HUWE1: variants seen among roughly 807,000 people sequenced by gnomAD.
HUWE1 encodes E3 ubiquitin-protein ligase HUWE1.
A neutral mutation model predicts 299.4 loss-of-function variants in HUWE1; 18 were observed. That is an observed-to-expected ratio of 0.06 (90% CI 0.04 to 0.09). The LOEUF (loss-of-function observed/expected upper bound fraction) is 0.09. Among genes scored for constraint, HUWE1 ranks in the 10% least tolerant of loss-of-function variants. The pLI, the probability that HUWE1 is intolerant of heterozygous loss-of-function variation, is 1.00. For missense variants in HUWE1, 1,832 were observed against 3,462.3 expected, an observed-to-expected ratio of 0.53 and a Z score of 11.82; for synonymous variants, 1,317 against 1,286.1, an observed-to-expected ratio of 1.02 and a Z score of -0.51.
At chrX:53,625,028 G>T in intron 18 of HUWE1, 129 bp downstream of exon 18, 1 of 508,585 alleles carries the variant, frequency 2.0e-6, no homozygotes, top group Non-Finnish European at 3.5e-6. Flanking sequence ...ACAACTAAAA[G>T]CTATTGAAAA....
In HUWE1 at chrX:53,617,010, G is replaced by A. The variant is rs2065844216; in HGVS notation, c.1917C>T (p.Tyr639=). Residue 639 remains tyrosine (Y), a synonymous_variant, in exon 21 of 84, where the codon TAC becomes TAT. Transcript: ENST00000262854. ...RLFKVLLSPD[Y]LPAMRRRRSS... ...TTCTCCTCCTCCGCATGGCTGGGAG[G>A]TAATCTGGAGACAGAAGAACTTTGA... is the stretch of plus-strand genomic sequence containing the variant. 3.3e-6 allele frequency: 4 copies of A among 1,209,170 alleles called. No individual in the cohort carries two copies. The African/African-American group carries it at 5.3e-5, about 16-fold the overall frequency.
intron 49 of HUWE1, among the ~76,000 whole-genome samples, chrX:53,568,397 ACTT>A (rs1282067499): frequency 2.7e-5 from 3 of 111,703 alleles, no homozygotes; most frequent in Non-Finnish European, 5.7e-5. Flanking sequence ...TACAGTGTCT[ACTT>A]CTTATTTTTA....
intron 4 of HUWE1, among the ~76,000 whole-genome samples, chrX:53,650,634 T>TAC (rs1161882511): frequency 6.2e-5 from 7 of 112,350 alleles, no homozygotes; most frequent in African/African-American, 2.3e-4. Flanking sequence ...TGCCAGGGTT[T>TAC]ACAGTGATTT....
In HUWE1 at chrX:53,661,121, G is replaced by A. The variant is rs1020332812; in HGVS notation, c.-24-6990C>T. ...GCAATCTCGGCTCACTGCAAGCTCC[G>A]CCTCCCGGGTTCACGCCATTCTCCT... On this transcript the variant is annotated intron_variant, in intron 3 of 83. Coordinates refer to ENST00000262854, the MANE Select transcript of HUWE1 (RefSeq NM_031407.7). 3.8e-5 allele frequency among the ~76,000 whole-genome samples: 4 copies of A among 104,221 alleles called. No homozygotes were observed. The East Asian group carries it at 1.2e-3, about 32-fold the overall frequency. The allele number at this position is 104,221 out of a possible 115,157, so 90.5% of individuals were successfully genotyped here. A position where few individuals can be genotyped will look rare whatever the true frequency, so the allele number is the denominator to read the frequency against.
chrX:53,645,720 GAA>G (rs1228305226), intron 6 of HUWE1, among the ~76,000 whole-genome samples: 16 of 24,419 alleles, frequency 6.6e-4, no homozygotes, highest in African/African-American at 2.4e-3. Flanking sequence ...CTCAAAAAAA[GAA>G]AAAAAAAAAA....
intron 59 of HUWE1, among the ~76,000 whole-genome samples, chrX:53,558,268 T>C (rs1380192930): frequency 8.9e-6 from 1 of 111,827 alleles, no homozygotes; most frequent in African/African-American, 3.3e-5. Context: ...AATGACGGAA[T>C]GGGGTCATCT....
intron 23 of HUWE1, among the ~76,000 whole-genome samples, chrX:53,613,842 C>T (rs1225998579): frequency 9.0e-6 from 1 of 111,728 alleles, no homozygotes; most frequent in African/African-American, 3.3e-5. Context: ...GTTTTTCACA[C>T]GTGCCTGAAA....
In HUWE1 at chrX:53,548,006, T is replaced by C. The variant is rs1569422801; in HGVS notation, c.10303A>G (p.Met3435Val). 2 of 1,211,407 alleles carry C rather than the reference T, an allele frequency of 1.7e-6. No individual in the cohort carries two copies. Among genetic ancestry groups the C allele is most frequent in the Non-Finnish European group, 1.1e-6 (1 of 895,142 alleles). Residue 3435 changes from methionine to valine, a missense_variant, in exon 68 of 84, where the codon ATG (methionine) becomes GTG (valine). Transcript: ENST00000262854. ...ATGACTGGGTGTGACAACATGTTCA[T>C]GAGCTGCCCCAGTGGAGAGGCCTCG... is the stretch of plus-strand genomic sequence containing the variant. ...SLEASPLGQL[M>V]NMLSHPVIRR...
rs1409568756 is a variant in HUWE1 at position 53,645,756 on chromosome X, T to A, written c.352-293A>T. ...AAAAAAATATATATATATATATATATATATATATATATATATATATGTATT... is the reference window on the plus strand; with the variant it reads ...AAAAAAATATATATATATATATATAAATATATATATATATATATATGTATT... On this transcript the variant is annotated intron_variant, in intron 6 of 83. Transcript: ENST00000262854. 4.0e-4 allele frequency among the ~76,000 whole-genome samples: 35 copies of A among 86,723 alleles called. 1 individual carries two copies. The highest frequency in any genetic ancestry group is 1.2e-3 in the African/African-American group (26 of 21,735). The allele number at this position is 86,723 out of a possible 115,157, so 75.3% of individuals were successfully genotyped here. A position where few individuals can be genotyped will look rare whatever the true frequency, so the allele number is the denominator to read the frequency against.
chrX:53,633,419 T>C (rs1032526224), intron 8 of HUWE1, among the ~76,000 whole-genome samples: 1 of 112,603 alleles, frequency 8.9e-6, no homozygotes, highest in Non-Finnish European at 1.9e-5. Flanking sequence ...GTTTTGATTA[T>C]TAAACAGACA....
intron 3 of HUWE1, among the ~76,000 whole-genome samples, chrX:53,660,905 G>C (rs2068966142): frequency 1.8e-5 from 2 of 109,858 alleles, no homozygotes; most frequent in Admixed American, 9.7e-5. Context: ...GTCAAGTTTT[G>C]CCTCTATTTA....
At chrX:53,540,436 C>T (rs1448841654) in intron 74 of HUWE1, among the ~76,000 whole-genome samples, 1 of 110,837 alleles carries the variant, frequency 9.0e-6, no homozygotes, top group African/African-American at 3.3e-5. Flanking sequence ...TCAAGCGATT[C>T]TCCAGCCTCA....
intron 42 of HUWE1, among the ~76,000 whole-genome samples, chrX:53,582,913 C>T (rs1556969312): frequency 8.9e-6 from 1 of 111,761 alleles, no homozygotes. Flanking sequence ...CTTCTAACCT[C>T]AGGTGATTTA....
chrX:53,634,348 C>T (rs782294469), intron 7 of HUWE1, 50 bp from the exon 8 acceptor site: 23 of 901,338 alleles, frequency 2.6e-5, no homozygotes, highest in South Asian at 2.4e-4. Flanking sequence ...GGTGACTTTG[C>T]GCCACTGCAC....
At chrX:53,627,273 GA>G (rs1273715538) in intron 17 of HUWE1, 136 bp downstream of exon 17, 29 of 398,475 alleles carry the variant, frequency 7.3e-5, no homozygotes, top group Non-Finnish European at 1.1e-4. Flanking sequence ...CACTTACATA[GA>G]AAAAAAATTT....
In HUWE1 at chrX:53,614,565, T is replaced by G. The variant is rs1557005524; in HGVS notation, c.2230A>C (p.Thr744Pro). 6 of 1,210,007 alleles carry G rather than the reference T, an allele frequency of 5.0e-6. No homozygotes were observed. Among genetic ancestry groups the G allele is most frequent in the East Asian group, 3.0e-5 (1 of 33,825 alleles). Residue 744 changes from threonine to proline, a missense_variant, in exon 23 of 84, where the codon ACC becomes CCC. Transcript: ENST00000262854. ...TTAGGCTCAGTTTCATTTTGCTGGG[T>G]AGAATTAAAGCTCTGCATGGCCTGT... ...EVQAMQSFNS[T>P]QQNETEPNQQ...
chrX:53,654,089 T>C lies in HUWE1; in HGVS notation c.19A>G (p.Lys7Glu). The C allele has an allele frequency of 8.4e-7, 1 of 1,189,353 alleles. No homozygotes were observed. The highest frequency in any genetic ancestry group is 1.1e-6 in the Non-Finnish European group (1 of 875,883). ...GCCTCAGTAGGTGTCTTCTTCAGTT[T>C]AGTCCTGTCTACTTTCATGATTTCA... is the stretch of plus-strand genomic sequence containing the variant. MKVDRT[K>E]LKKTPTEAPA... Residue 7 changes from lysine (K) to glutamate (E), a missense_variant, in exon 4 of 84, where the codon AAA (lysine) becomes GAA (glutamate). By Grantham distance (56) the Lys-to-Glu change is moderately conservative. Coordinates refer to ENST00000262854, the MANE Select transcript of HUWE1 (RefSeq NM_031407.7).
intron 74 of HUWE1, among the ~76,000 whole-genome samples, chrX:53,541,781 G>A (rs964992653): frequency 8.9e-6 from 1 of 111,844 alleles, no homozygotes; most frequent in Admixed American, 9.5e-5. Flanking sequence ...CAGGAGGATC[G>A]ATTGAGCTCA....
intron 31 of HUWE1, 78 bp from the exon 32 acceptor site, chrX:53,593,679 C>A: frequency 1.4e-6 from 1 of 728,138 alleles, no homozygotes; most frequent in Non-Finnish European, 2.2e-6. Flanking sequence ...AAAAGGTCCC[C>A]AATCTCTATA....
Sources: allele counts gnomAD v4.1 joint callset (sites outside exome capture counted in the v4.1 genomes callset), GRCh38; gene constraint gnomAD v4.1.1; transcripts MANE v1.5; gene names NCBI Gene and HGNC (gene_info 2026-07-23, HGNC 2026-07-21).